The following DKK2 variants were observed in gnomAD, a reference collection of about 807,000 sequenced individuals.
DKK2 encodes the protein dickkopf Wnt signaling pathway inhibitor 2.
DKK2 carries 11 observed loss-of-function variants against 28.1 expected under a neutral mutation model. The ratio of observed to expected loss-of-function variants is 0.39; its 90% CI spans 0.25 to 0.65. The LOEUF is 0.65. DKK2 is among the 30% of genes least tolerant of loss of function. The pLI is 0.47. For synonymous variants in DKK2, 135 were observed against 126.5 expected (o/e 1.07, Z -0.45); for missense variants, 326 against 335.5 (o/e 0.97, Z 0.22).
rs566126402 is a variant in DKK2 at position 106,928,125 on chromosome 4, G to A, written c.223-2176C>T. On this transcript the variant is annotated intron_variant, in intron 1 of 3. Transcript: ENST00000285311. ...ACCATCTTTCCATTCTCAGTTGACAGGAACTGGAAAATATTAAAATGACAA... is the reference window on the plus strand; with the variant it reads ...ACCATCTTTCCATTCTCAGTTGACAAGAACTGGAAAATATTAAAATGACAA... 3.3e-5 allele frequency among the ~76,000 whole-genome samples: 5 copies of A among 152,120 alleles called. No homozygotes were observed. In the South Asian group the frequency reaches 1.0e-3, roughly 32 times the overall value.
At chr4:106,959,095 C>G (rs1429789922) in intron 1 of DKK2, among the ~76,000 whole-genome samples, 1 of 151,998 alleles carries the variant, frequency 6.6e-6, no homozygotes, top group Non-Finnish European at 1.5e-5. Context: ...TTATATCAAG[C>G]AGACAGTATT....
chr4:107,000,766 C>G (rs2110364988), intron 1 of DKK2, among the ~76,000 whole-genome samples: 1 of 152,198 alleles, frequency 6.6e-6, no homozygotes, highest in East Asian at 1.9e-4. Flanking sequence ...ATAAAGTATT[C>G]ATACATTGTT....
intron 1 of DKK2, among the ~76,000 whole-genome samples, chr4:106,994,870 A>T (rs954735773): frequency 6.6e-6 from 1 of 152,222 alleles, no homozygotes; most frequent in Non-Finnish European, 1.5e-5. Context: ...CACATGGGGC[A>T]CATGCAGTTA....
rs1310223943 is a variant in DKK2, at chr4:107,035,760, C to A, written c.-169G>T. ...CCAGGACCCTATGAACTCAGTCTCA[C>A]GCCTCAGGACAGAAATTAGCGGAAC... On this transcript the variant is annotated 5_prime_UTR_variant, in exon 1 of 4. Transcript: ENST00000285311. The A allele has an allele frequency of 3.1e-6, 2 of 640,162 alleles. No individual in the cohort carries two copies. The highest frequency in any genetic ancestry group is 5.8e-5 in the Admixed American group (2 of 34,548). The allele number at this position is 640,162 out of a possible 1,614,324, so 39.7% of individuals were successfully genotyped here.
chr4:106,964,956 TAGATATAG>T (rs1417065703), intron 1 of DKK2, among the ~76,000 whole-genome samples: 3 of 138,086 alleles, frequency 2.2e-5, no homozygotes, highest in Admixed American at 7.6e-5. Context: ...TATAGATAGA[TAGATATAG>T]ATAGATAGAT....
intron 1 of DKK2, among the ~76,000 whole-genome samples, chr4:107,024,500 C>T (rs900039311): frequency 2.0e-5 from 3 of 152,090 alleles, no homozygotes; most frequent in Admixed American, 6.6e-5. Context: ...ATCTCTCCAC[C>T]GATATTTTTA....
At chr4:107,024,931 A>T (rs546063653) in intron 1 of DKK2, among the ~76,000 whole-genome samples, 1 of 152,232 alleles carries the variant, frequency 6.6e-6, no homozygotes, top group Non-Finnish European at 1.5e-5. Flanking sequence ...ATAGTGCACA[A>T]GGCATATACC....
intron 1 of DKK2, among the ~76,000 whole-genome samples, chr4:107,021,842 C>A (rs145559954): frequency 1.3e-5 from 2 of 152,160 alleles, no homozygotes; most frequent in Non-Finnish European, 2.9e-5. Context: ...ATGCCCATCA[C>A]AATCAGATCT....
chr4:106,985,745 G>C (rs998577788), intron 1 of DKK2, among the ~76,000 whole-genome samples: 1 of 151,154 alleles, frequency 6.6e-6, no homozygotes, highest in Non-Finnish European at 1.5e-5. Flanking sequence ...GGAGGCAGAG[G>C]TTGCAGTGAG....
At chr4:106,964,083 T>C (rs1722731621) in intron 1 of DKK2, among the ~76,000 whole-genome samples, 2 of 152,200 alleles carry the variant, frequency 1.3e-5, no homozygotes, top group African/African-American at 4.8e-5. Flanking sequence ...GTAGTATAAT[T>C]TGAAGTCAGG....
chr4:107,017,927 AT>A (rs1465038580), intron 1 of DKK2, among the ~76,000 whole-genome samples: 1 of 152,074 alleles, frequency 6.6e-6, no homozygotes, highest in Non-Finnish European at 1.5e-5. Flanking sequence ...TTCAGTACAA[AT>A]TTTTAGCTTT....
intron 1 of DKK2, among the ~76,000 whole-genome samples, chr4:106,976,024 T>C (rs1722939609): frequency 6.6e-6 from 1 of 152,212 alleles, no homozygotes; most frequent in African/African-American, 2.4e-5. Flanking sequence ...GAGCAGGTTG[T>C]TCAGTTTCCA....
intron 1 of DKK2, among the ~76,000 whole-genome samples, chr4:106,957,672 A>T (rs1474792138): frequency 7.0e-6 from 1 of 143,732 alleles, no homozygotes. Context: ...CAAACACCAC[A>T]TGTTCTCACT....
At chr4:106,995,797 G>T (rs553680181) in intron 1 of DKK2, among the ~76,000 whole-genome samples, 18 of 152,236 alleles carry the variant, frequency 1.2e-4, no homozygotes, top group Admixed American at 9.2e-4. Flanking sequence ...ATTTTTAGTA[G>T]AGACGGGGTT....
intron 1 of DKK2, among the ~76,000 whole-genome samples, chr4:106,946,259 A>C (rs899499653): frequency 1.1e-4 from 16 of 152,042 alleles, no homozygotes; most frequent in African/African-American, 3.6e-4. Context: ...ATTATGATTA[A>C]TTTTTAGTTT....
rs1335861090 is a variant in DKK2 at position 106,921,924 on chromosome 4, A to G, written c.*2030T>C. Reference sequence around the variant, plus strand: ...GCTTTCTGTAAGAAATATCTCTATAAGAAAATACATCTCATTAACATTTCC... The same window carrying G: ...GCTTTCTGTAAGAAATATCTCTATAGGAAAATACATCTCATTAACATTTCC... On this transcript the variant is annotated 3_prime_UTR_variant, in exon 4 of 4. Transcript: ENST00000285311. 6.6e-6 allele frequency: 1 copy of G among 152,630 alleles called. No individual in the cohort carries two copies. The highest frequency in any genetic ancestry group is 1.5e-5 in the Non-Finnish European group (1 of 68,028). The allele number at this position is 152,630 out of a possible 1,614,324, so 9.5% of individuals were successfully genotyped here. A position where few individuals can be genotyped will look rare whatever the true frequency, so the allele number is the denominator to read the frequency against.
intron 1 of DKK2, among the ~76,000 whole-genome samples, chr4:107,022,748 T>G (rs1333446953): frequency 1.4e-4 from 21 of 152,060 alleles, no homozygotes. Context: ...AACAATGGAC[T>G]GGATCAAGGC....
At position 106,922,246 on chromosome 4, in the gene DKK2, A is replaced by G. The variant is rs1724356772; in HGVS notation, c.*1708T>C. Reference sequence around the variant, plus strand: ...ATATACAGGCTCAAACTCAATCTCTACTGGGAGAACTTAAATTTGAGACTG... The same window carrying G: ...ATATACAGGCTCAAACTCAATCTCTGCTGGGAGAACTTAAATTTGAGACTG... On this transcript the variant is annotated 3_prime_UTR_variant, in exon 4 of 4. Transcript: ENST00000285311. The G allele has an allele frequency of 6.6e-6, 1 of 152,164 alleles. No homozygotes were observed. Among genetic ancestry groups the G allele is most frequent in the Admixed American group, 6.6e-5 (1 of 15,248 alleles). 9.4% of individuals were successfully genotyped at this position (152,164 alleles called of 1,614,324 possible). A position where few individuals can be genotyped will look rare whatever the true frequency, so the allele number is the denominator to read the frequency against.
chr4:106,924,778 G>T, intron 2 of DKK2, 78 bp from the exon 3 acceptor site: 1 of 1,364,940 alleles, frequency 7.3e-7, no homozygotes, highest in Non-Finnish European at 1.0e-6. Context: ...CTCTTGATGT[G>T]AAATATGAAG....
Sources: allele counts gnomAD v4.1 joint callset (sites outside exome capture counted in the v4.1 genomes callset), GRCh38; gene constraint gnomAD v4.1.1; transcripts MANE v1.5; gene names NCBI Gene and HGNC (gene_info 2026-07-23, HGNC 2026-07-21).